STS: variants seen among roughly 807,000 people sequenced by gnomAD.
The protein encoded by STS is steryl-sulfatase.
In STS, 7 loss-of-function variants were observed where a neutral mutation model predicts 26.8. That is an observed-to-expected ratio of 0.26 (90% CI 0.15 to 0.49). STS has a LOEUF of 0.49. Ranked by LOEUF, STS falls within the 20% of genes least tolerant of loss-of-function variation. STS has a pLI of 0.98. For synonymous variants in STS, 199 were observed against 189.4 expected (o/e 1.05, Z -0.42); for missense variants, 434 against 465.6 (o/e 0.93, Z 0.63).
At chrX:7,181,281 A>C (rs759791833) in intron 1 of STS, among the ~76,000 whole-genome samples, 9 of 112,551 alleles carry the variant, frequency 8.0e-5, no homozygotes, top group Non-Finnish European at 1.5e-4. Flanking sequence ...GAAAAGAAGA[A>C]ACTATTGTTT....
chrX:7,166,804 G>T (rs1386057988), intron 1 of STS, among the ~76,000 whole-genome samples: 1 of 111,555 alleles, frequency 9.0e-6, no homozygotes, highest in African/African-American at 3.3e-5. Context: ...AACCAGGAAC[G>T]GTTGTCTTCA....
intron 8 of STS, among the ~76,000 whole-genome samples, chrX:7,311,075 C>A (rs747517773): frequency 1.8e-5 from 2 of 111,783 alleles, no homozygotes; most frequent in East Asian, 5.7e-4. Flanking sequence ...CTATGTATCC[C>A]ATATTTTGGA....
intron 6 of STS, among the ~76,000 whole-genome samples, chrX:7,273,728 C>A (rs1018360312): frequency 9.0e-6 from 1 of 111,477 alleles, no homozygotes. Context: ...TCTTCATTCT[C>A]AAGGCTCCTA....
At chrX:7,238,368 G>A (rs1225612740) in intron 2 of STS, among the ~76,000 whole-genome samples, 4 of 110,763 alleles carry the variant, frequency 3.6e-5, no homozygotes, top group African/African-American at 6.6e-5. Context: ...CCTTTTTATT[G>A]TACAGCTGTA....
chrX:7,163,428 G>A (rs1330854617), intron 1 of STS, among the ~76,000 whole-genome samples: 1 of 112,513 alleles, frequency 8.9e-6, no homozygotes, highest in Non-Finnish European at 1.9e-5. Flanking sequence ...AGGCAGCTCT[G>A]TGTTTTTGCT....
chrX:7,271,112 G>A (rs1374724407), intron 6 of STS, among the ~76,000 whole-genome samples: 9 of 109,589 alleles, frequency 8.2e-5, no homozygotes, highest in African/African-American at 2.0e-4. Context: ...ATAGCTCCTC[G>A]TTCTCAGCAA....
At chrX:7,250,922 C>G (rs1341261007) in intron 2 of STS, among the ~76,000 whole-genome samples, 1 of 112,442 alleles carries the variant, frequency 8.9e-6, no homozygotes, top group East Asian at 2.8e-4. Flanking sequence ...GGACAGTGGA[C>G]ACTCAGAAGT....
chrX:7,154,614 C>T (rs754081516), intron 1 of STS, among the ~76,000 whole-genome samples: 26 of 112,183 alleles, frequency 2.3e-4, no homozygotes, highest in African/African-American at 7.1e-4. Flanking sequence ...TACCTGAAAA[C>T]GATCAGGGTG....
intron 1 of STS, among the ~76,000 whole-genome samples, chrX:7,172,312 C>G (rs1180568044): frequency 9.9e-5 from 11 of 111,082 alleles, no homozygotes; most frequent in African/African-American, 3.3e-4. Context: ...TCCATGTGTT[C>G]TGGAAGCCCC....
intron 2 of STS, among the ~76,000 whole-genome samples, chrX:7,232,227 G>T (rs750608718): frequency 2.7e-5 from 3 of 112,137 alleles, no homozygotes; most frequent in African/African-American, 9.7e-5. Context: ...GAAGCTCTGG[G>T]GGAAATGGAG....
intron 1 of STS, among the ~76,000 whole-genome samples, chrX:7,152,024 C>T (rs1406452795): frequency 9.0e-6 from 1 of 111,458 alleles, no homozygotes. Context: ...ACGATCTTGG[C>T]TCACTGCAAG....
At chrX:7,233,774 T>G (rs1922185417) in intron 2 of STS, among the ~76,000 whole-genome samples, 1 of 111,337 alleles carries the variant, frequency 9.0e-6, no homozygotes, top group Non-Finnish European at 1.9e-5. Context: ...GTCTATGAAA[T>G]ACCTCTTTAA....
intron 2 of STS, among the ~76,000 whole-genome samples, chrX:7,205,289 T>A (rs1934188106): frequency 8.9e-6 from 1 of 112,098 alleles, no homozygotes; most frequent in Non-Finnish European, 1.9e-5. Context: ...GGAATGTAAT[T>A]ATTGCAATTA....
At chrX:7,324,552 C>G (rs1357279529) in intron 8 of STS, among the ~76,000 whole-genome samples, 1 of 111,548 alleles carries the variant, frequency 9.0e-6, no homozygotes, top group African/African-American at 3.3e-5. Context: ...ACTTCAATTT[C>G]TATCAGGGCC....
intron 10 of STS, among the ~76,000 whole-genome samples, chrX:7,335,704 A>G (rs1212265096): frequency 8.9e-6 from 1 of 111,787 alleles, no homozygotes; most frequent in Non-Finnish European, 1.9e-5. Context: ...CCTGAATGGT[A>G]TTGCCTAGGT....
At chrX:7,189,204 A>G (rs1268463238) in intron 1 of STS, among the ~76,000 whole-genome samples, 3 of 111,710 alleles carry the variant, frequency 2.7e-5, no homozygotes, top group African/African-American at 9.8e-5. Context: ...CAAAGCATAA[A>G]CAATAGATTT....
At chrX:7,181,102 CAA>C (rs1233439885) in intron 1 of STS, among the ~76,000 whole-genome samples, 1 of 112,303 alleles carries the variant, frequency 8.9e-6, no homozygotes. Flanking sequence ...GGTAAAGTGA[CAA>C]ACACAGTAGT....
rs1471327704 is a variant in STS at position 7,352,356 on chromosome X, G to C, written c.*2095G>C. The C allele has an allele frequency of 8.9e-6, 1 of 112,142 alleles. No homozygotes were observed. 9.2% of individuals were successfully genotyped at this position (112,142 alleles called of 1,213,427 possible). Reference sequence around the variant, plus strand: ...GAACCAGTTATTTAACCTGTAAAATGTCAATAGCAAATGAAGGATGAAGTA... The same window carrying C: ...GAACCAGTTATTTAACCTGTAAAATCTCAATAGCAAATGAAGGATGAAGTA... On this transcript the variant is annotated 3_prime_UTR_variant, in exon 11 of 11. Transcript: ENST00000674429.
intron 2 of STS, among the ~76,000 whole-genome samples, chrX:7,212,411 G>T (rs1295941355): frequency 1.8e-5 from 2 of 111,614 alleles, no homozygotes; most frequent in African/African-American, 6.5e-5. Flanking sequence ...GGCAGAGGTT[G>T]CAGTTAGCTG....
Sources: allele counts gnomAD v4.1 joint callset (sites outside exome capture counted in the v4.1 genomes callset), GRCh38; gene constraint gnomAD v4.1.1; transcripts MANE v1.5; gene names NCBI Gene and HGNC (gene_info 2026-07-23, HGNC 2026-07-21).